MMP26: variants seen among roughly 807,000 people sequenced by gnomAD.
MMP26 encodes the protein matrix metallopeptidase 26.
A neutral mutation model predicts 31.0 loss-of-function variants in MMP26; 33 were observed. The ratio of observed to expected loss-of-function variants is 1.06; its 90% CI spans 0.81 to 1.42. The LOEUF (loss-of-function observed/expected upper bound fraction) is 1.42. Among genes scored for constraint, MMP26 ranks in the 40% most tolerant of loss-of-function variants. The pLI is 0.00. For synonymous variants in MMP26, 122 were observed against 114.9 expected (o/e 1.06, Z -0.40); for missense variants, 347 against 316.1 (o/e 1.10, Z -0.74).
At chr11:4,854,439 C>T (rs964861296) in intron 2 of MMP26, among the ~76,000 whole-genome samples, 7 of 152,174 alleles carry the variant, frequency 4.6e-5, no homozygotes, top group African/African-American at 1.7e-4. Context: ...TCGGAGGGTC[C>T]CACGCCCACG....
chr11:4,742,206 T>A (rs1848323807), intron 1 of MMP26, among the ~76,000 whole-genome samples: 1 of 152,202 alleles, frequency 6.6e-6, no homozygotes, highest in Non-Finnish European at 1.5e-5. Context: ...GGACAAGGCA[T>A]AGGAAATTAA....
chr11:4,949,578 T>C (rs1846351176), intron 2 of MMP26, among the ~76,000 whole-genome samples: 1 of 121,926 alleles, frequency 8.2e-6, no homozygotes, highest in South Asian at 2.4e-4. Flanking sequence ...ATACAGAAAA[T>C]TATAGGTTAA....
intron 2 of MMP26, among the ~76,000 whole-genome samples, chr11:4,779,903 T>C (rs116589896): frequency 0.01 from 1,568 of 152,250 alleles, 42 homozygotes; most frequent in African/African-American, 0.036. Flanking sequence ...ACCGTATTTT[T>C]TTCCAGTAAC....
At chr11:4,714,080 C>T (rs914326791) in intron 1 of MMP26, among the ~76,000 whole-genome samples, 4 of 152,146 alleles carry the variant, frequency 2.6e-5, no homozygotes, top group Admixed American at 6.5e-5. Flanking sequence ...TCCCCAGCTC[C>T]TCAGGCTCCT....
chr11:4,741,952 A>G (rs1848317465), intron 1 of MMP26, among the ~76,000 whole-genome samples: 1 of 152,230 alleles, frequency 6.6e-6, no homozygotes, highest in Non-Finnish European at 1.5e-5. Context: ...ATGTTGCTTT[A>G]CTGGAAAGTA....
intron 1 of MMP26, among the ~76,000 whole-genome samples, chr11:4,716,456 T>C (rs1847930771): frequency 6.6e-6 from 1 of 152,094 alleles, no homozygotes; most frequent in Non-Finnish European, 1.5e-5. Flanking sequence ...AGACAAATCA[T>C]TTTATGAGTT....
intron 2 of MMP26, among the ~76,000 whole-genome samples, chr11:4,873,119 A>G (rs1850332601): frequency 6.6e-6 from 1 of 152,056 alleles, no homozygotes; most frequent in Non-Finnish European, 1.5e-5. Context: ...TAATCAATAA[A>G]TTAATTAAAC....
chr11:4,729,627 C>A (rs141203026), intron 1 of MMP26, among the ~76,000 whole-genome samples: 1 of 152,094 alleles, frequency 6.6e-6, no homozygotes, highest in Admixed American at 6.5e-5. Context: ...GGGAAATAAA[C>A]GGATTTGAGG....
At position 4,882,095 on chromosome 11, in the gene MMP26, T is replaced by C; in HGVS notation, c.-144-105973T>C. On this transcript the variant is annotated intron_variant, in intron 2 of 7. Coordinates refer to ENST00000380390, the MANE Select transcript of MMP26 (RefSeq NM_021801.5). ...CCACAAACCCATGTATTATTTCCTCTCCATGCTGGCAGCTGTTGATCTATG... is the reference window on the plus strand; with the variant it reads ...CCACAAACCCATGTATTATTTCCTCCCCATGCTGGCAGCTGTTGATCTATG... 6.2e-7 allele frequency: 1 copy of C among 1,613,974 alleles called. No individual in the cohort carries two copies. The highest frequency in any genetic ancestry group is 1.7e-5 in the Admixed American group (1 of 59,980).
rs1589942451 is a variant in MMP26 at position 4,929,458 on chromosome 11, A to T, written c.-144-58610A>T. On this transcript the variant is annotated intron_variant, in intron 2 of 7. Transcript: ENST00000380390. ...ATCACATGACAATCAGAAGAAAAAAATTAGCATCAATGTCAAAAGTTTGGA... is the reference window on the plus strand; with the variant it reads ...ATCACATGACAATCAGAAGAAAAAATTTAGCATCAATGTCAAAAGTTTGGA... Among the ~76,000 whole-genome samples the T allele has an allele frequency of 1.3e-5, 2 of 152,238 alleles. 1 individual carries two copies. The highest frequency in any genetic ancestry group is 2.9e-5 in the Non-Finnish European group (2 of 67,994).
chr11:4,809,897 C>G (rs1036532639), intron 2 of MMP26, among the ~76,000 whole-genome samples: 3 of 152,216 alleles, frequency 2.0e-5, no homozygotes, highest in Admixed American at 1.3e-4. Flanking sequence ...CAGATGATCA[C>G]TCACCCAGAC....
rs565661619 is a variant in MMP26 at position 4,818,850 on chromosome 11, A to G, written c.-145+51509A>G. Reference sequence around the variant, plus strand: ...TTTATATTATTATATTAATGTGACTATATTAATAAAATACAGTATTAGACT... The same window carrying G: ...TTTATATTATTATATTAATGTGACTGTATTAATAAAATACAGTATTAGACT... On this transcript the variant is annotated intron_variant, in intron 2 of 7. Transcript: ENST00000380390. Among the ~76,000 whole-genome samples, 32 of 152,306 alleles carry G rather than the reference A, an allele frequency of 2.1e-4. 1 individual carries two copies. Among genetic ancestry groups the G allele is most frequent in the African/African-American group, 7.7e-4 (32 of 41,580 alleles).
intron 1 of MMP26, among the ~76,000 whole-genome samples, chr11:4,746,968 T>C (rs982684625): frequency 4.6e-5 from 7 of 152,084 alleles, no homozygotes; most frequent in Non-Finnish European, 1.0e-4. Flanking sequence ...ATGTGACACA[T>C]TTTATCCTTA....
intron 2 of MMP26, among the ~76,000 whole-genome samples, chr11:4,838,710 CATATAG>C (rs66503722): frequency 0.1 from 15,918 of 152,088 alleles, 924 homozygotes; most frequent in Middle Eastern, 0.16. Context: ...TGCAGAAAGG[CATATAG>C]AAAGTTATCG....
Position 4,730,185 on chromosome 11 carries a change from A to G in MMP26, c.-217+25140A>G, listed in dbSNP as rs1206583952. ...CTTTAATATTTCCTTTGCCTTTACT[A>G]TTAGATATGGGACATACGAGGTGCC... On this transcript the variant is annotated intron_variant, in intron 1 of 7. Transcript: ENST00000380390. 1.1e-4 allele frequency among the ~76,000 whole-genome samples: 16 copies of G among 152,126 alleles called. No individual in the cohort carries two copies. The East Asian group carries it at 2.7e-3, about 26-fold the overall frequency.
intron 2 of MMP26, among the ~76,000 whole-genome samples, chr11:4,880,094 G>A (rs192122251): frequency 6.6e-6 from 1 of 152,196 alleles, no homozygotes; most frequent in South Asian, 2.1e-4. Flanking sequence ...GGTAAGTCTC[G>A]GAGATGTGTC....
intron 2 of MMP26, among the ~76,000 whole-genome samples, chr11:4,861,214 C>CAAGTATATACATATAG (rs1162216046): frequency 6.7e-6 from 1 of 149,094 alleles, no homozygotes; most frequent in Admixed American, 6.7e-5. Flanking sequence ...ATACAGTTTC[C>CAAGTATATACATATAG]AAGTATATAC....
chr11:4,765,605 G>A (rs1043962011), intron 1 of MMP26, among the ~76,000 whole-genome samples: 18 of 152,108 alleles, frequency 1.2e-4, no homozygotes, highest in African/African-American at 4.1e-4. Context: ...CTGGCTTTTG[G>A]TGGTTACCTA....
At chr11:4,838,188 G>A (rs1484116636) in intron 2 of MMP26, among the ~76,000 whole-genome samples, 1 of 150,038 alleles carries the variant, frequency 6.7e-6, no homozygotes, top group South Asian at 2.1e-4. Context: ...CGTGGTGGTG[G>A]GTGCCCGTAG....
Sources: gnomAD v4.1 joint callset for allele counts (sites outside exome capture counted in the v4.1 genomes callset) on GRCh38, gnomAD v4.1.1 for gene constraint, MANE v1.5 for transcripts, NCBI Gene and HGNC (gene_info 2026-07-23, HGNC 2026-07-21) for gene names.